Variants in CCNY observed in about 807,000 individuals in gnomAD.
CCNY encodes the protein cyclin Y, also known as cyclin-Y.
Under a neutral mutation model 42.8 loss-of-function variants are expected in CCNY, and 19 were observed. That is an observed-to-expected ratio of 0.44 (90% CI 0.31 to 0.65). The LOEUF is 0.65. Among genes scored for constraint, CCNY ranks in the 30% least tolerant of loss-of-function variants. The pLI is 0.07. For missense variants in CCNY, 370 were observed against 437.3 expected (o/e 0.85, Z 1.37); for synonymous variants, 165 against 162.7 (o/e 1.01, Z -0.11).
At position 35,336,931 on chromosome 10, in the gene CCNY, C is replaced by T; in HGVS notation, c.-123C>T. The T allele has an allele frequency of 1.6e-6, 1 of 623,422 alleles. No homozygotes were observed. The highest frequency in any genetic ancestry group is 2.1e-6 in the Non-Finnish European group (1 of 481,304). The allele number at this position is 623,422 out of a possible 1,614,324, so 38.6% of individuals were successfully genotyped here. ...CGGCCGGCCGCCGTTCCGCCCCCTC[C>T]CGTGGCGGCGAGCGGGCGGGCCTCC... On this transcript the variant is annotated 5_prime_UTR_variant, in exon 1 of 10. Transcript: ENST00000374704.
chr10:35,506,257 A>G (rs188456885), intron 3 of CCNY, among the ~76,000 whole-genome samples: 2 of 152,350 alleles, frequency 1.3e-5, no homozygotes, highest in African/African-American at 2.4e-5. Context: ...AAATGTATAG[A>G]AAAGTAACAG....
intron 3 of CCNY, among the ~76,000 whole-genome samples, chr10:35,263,784 T>C (rs897542986): frequency 6.6e-6 from 1 of 152,192 alleles, no homozygotes; most frequent in African/African-American, 2.4e-5. Context: ...GATCATCCCA[T>C]GGCCTAGGTA....
At chr10:35,252,194 T>G (rs1210198446) in intron 3 of CCNY, among the ~76,000 whole-genome samples, 3 of 152,174 alleles carry the variant, frequency 2.0e-5, no homozygotes, top group East Asian at 3.8e-4. Flanking sequence ...AACACATTAC[T>G]ACACTGCAGA....
At chr10:35,325,479 CTT>C (rs1207832860) in intron 3 of CCNY, among the ~76,000 whole-genome samples, 31 of 132,800 alleles carry the variant, frequency 2.3e-4, no homozygotes, top group Non-Finnish European at 3.3e-4. Flanking sequence ...AGCACAGACC[CTT>C]TTTTTTTTTT....
rs367991902 is a variant in CCNY, at chr10:35,489,758, T to G, written c.229+6280T>G. The stretch of plus-strand genomic sequence containing the variant: ...CAGTTCAGTTTTGTTCTCCTTCTAT[T>G]TTATTGACAGTAGAGAATTGGAATC... On this transcript the variant is annotated intron_variant, in intron 2 of 9. Coordinates refer to ENST00000374704, the MANE Select transcript of CCNY (RefSeq NM_145012.6). Among the ~76,000 whole-genome samples the G allele has an allele frequency of 9.2e-5, 14 of 152,208 alleles. No individual in the cohort carries two copies. The East Asian group carries it at 2.5e-3, about 27-fold the overall frequency.
At chr10:35,353,590 G>A (rs1836473142) in intron 1 of CCNY, among the ~76,000 whole-genome samples, 2 of 152,204 alleles carry the variant, frequency 1.3e-5, no homozygotes, top group Non-Finnish European at 2.9e-5. Context: ...GCCAAGAGGA[G>A]CTGCTCCTCG....
Position 35,336,855 on chromosome 10 carries a change from GCCGCCGCCGCCCATGGCGAGGCC to G in CCNY, c.-187_-165del, listed in dbSNP as rs1334468885. 12 of 155,700 alleles carry G rather than the reference GCCGCCGCCGCCCATGGCGAGGCC, an allele frequency of 7.7e-5. No homozygotes were observed. Among genetic ancestry groups the G allele is most frequent in the South Asian group, 1.7e-4 (1 of 5,716 alleles). 9.6% of individuals were successfully genotyped at this position (155,700 alleles called of 1,614,324 possible). ...CCGTCGCCCGCTCGTCGCCGCCGCC[GCCGCCGCCGCCCATGGCGAGGCC>G]CCGCCGCCGCCGCCGCTGCTGACCC... is the stretch of plus-strand genomic sequence containing the variant. On this transcript the variant is annotated 5_prime_UTR_variant, in exon 1 of 10. It removes an upstream start codon present in the reference 5' UTR. Transcript: ENST00000374704.
At chr10:35,377,724 A>G (rs1351793217) in intron 1 of CCNY, among the ~76,000 whole-genome samples, 1 of 152,270 alleles carries the variant, frequency 6.6e-6, no homozygotes. Context: ...TAATAAAAAT[A>G]TACTAATTTA....
In CCNY at chr10:35,453,712, T is replaced by C. The variant is rs1431000592; in HGVS notation, c.155-29692T>C. Among the ~76,000 whole-genome samples, 7 of 152,218 alleles carry C rather than the reference T, an allele frequency of 4.6e-5. No homozygotes were observed. The East Asian group carries it at 1.3e-3, about 29-fold the overall frequency. The stretch of plus-strand genomic sequence containing the variant: ...AGAAACTTTTAAGAATCTTAATCAG[T>C]AGGTGAAAGAAAATCTGGCTTTTTT... On this transcript the variant is annotated intron_variant, in intron 1 of 9. Transcript: ENST00000374704.
intron 7 of CCNY, among the ~76,000 whole-genome samples, chr10:35,542,146 T>C (rs1841015424): frequency 6.8e-6 from 1 of 147,538 alleles, no homozygotes; most frequent in Non-Finnish European, 1.5e-5. Flanking sequence ...CTCCCTAGTC[T>C]CCTCTTGGCT....
chr10:35,511,490 T>G (rs559312079), intron 3 of CCNY, among the ~76,000 whole-genome samples: 8 of 152,182 alleles, frequency 5.3e-5, no homozygotes, highest in African/African-American at 1.9e-4. Context: ...GGAAAAGGTC[T>G]GTAGGGTATT....
chr10:35,404,229 T>C (rs1837707775), intron 1 of CCNY, among the ~76,000 whole-genome samples: 1 of 152,134 alleles, frequency 6.6e-6, no homozygotes, highest in Non-Finnish European at 1.5e-5. Flanking sequence ...CACACAGACA[T>C]GAGGGCTAGG....
chr10:35,544,850 T>G (rs1841078699), intron 7 of CCNY, among the ~76,000 whole-genome samples: 1 of 152,226 alleles, frequency 6.6e-6, no homozygotes, highest in Non-Finnish European at 1.5e-5. Flanking sequence ...GTCTCAGGCT[T>G]GCTGTGTTCA....
chr10:35,403,582 G>T (rs1837692701), intron 1 of CCNY, among the ~76,000 whole-genome samples: 1 of 152,188 alleles, frequency 6.6e-6, no homozygotes, highest in Admixed American at 6.5e-5. Flanking sequence ...AAGCGGCCTT[G>T]AGAAGAGTTT....
chr10:35,315,510 C>A (rs1835749562), intron 3 of CCNY: 1 of 152,174 alleles, frequency 6.6e-6, no homozygotes, highest in Non-Finnish European at 1.5e-5. Context: ...ATCCAGTCTA[C>A]TGTTGATGAG....
chr10:35,548,046 T>C (rs1287151803), intron 7 of CCNY, among the ~76,000 whole-genome samples: 1 of 152,024 alleles, frequency 6.6e-6, no homozygotes, highest in Non-Finnish European at 1.5e-5. Context: ...CATGAACAAC[T>C]CCAGGGTTAG....
chr10:35,259,225 A>G (rs1010449011), intron 3 of CCNY, among the ~76,000 whole-genome samples: 2 of 152,238 alleles, frequency 1.3e-5, no homozygotes, highest in African/African-American at 4.8e-5. Flanking sequence ...TTTGTTTGAA[A>G]GTATAGCTTT....
chr10:35,536,676 G>T (rs1177264927), intron 7 of CCNY, among the ~76,000 whole-genome samples: 2 of 152,184 alleles, frequency 1.3e-5, no homozygotes, highest in Non-Finnish European at 1.5e-5. Flanking sequence ...AAAGAAACTG[G>T]TGGCATTTTG....
intron 1 of CCNY, among the ~76,000 whole-genome samples, chr10:35,388,825 G>A (rs1281296874): frequency 1.3e-5 from 2 of 152,178 alleles, no homozygotes; most frequent in Non-Finnish European, 2.9e-5. Flanking sequence ...CTCTCAGGGA[G>A]AATCTGTTTC....
Sources: allele counts gnomAD v4.1 joint callset (sites outside exome capture counted in the v4.1 genomes callset), GRCh38; gene constraint gnomAD v4.1.1; transcripts MANE v1.5; gene names NCBI Gene and HGNC (gene_info 2026-07-23, HGNC 2026-07-21).